The following BMP7 variants were observed in gnomAD, a reference collection of about 807,000 sequenced individuals.
BMP7 encodes the protein osteogenic protein 1.
A neutral mutation model predicts 41.2 loss-of-function variants in BMP7; 12 were observed. The observed-to-expected ratio is 0.29, with a 90% CI of 0.19 to 0.47. The LOEUF (loss-of-function observed/expected upper bound fraction) is 0.47. Ranked by LOEUF, BMP7 falls within the 20% of genes least tolerant of loss-of-function variation. The pLI, the probability that BMP7 is intolerant of heterozygous loss-of-function variation, is 0.99. For missense variants in BMP7, 467 were observed against 606.0 expected (o/e 0.77, Z 2.41); for synonymous variants, 248 against 250.0 (o/e 0.99, Z 0.07).
In BMP7 at chr20:57,266,436, G is replaced by T; in HGVS notation, c.-314C>A. 1 of 194,968 alleles carries T rather than the reference G, an allele frequency of 5.1e-6. No homozygotes were observed. Among genetic ancestry groups the T allele is most frequent in the Non-Finnish European group, 1.0e-5 (1 of 97,046 alleles). 12.1% of individuals were successfully genotyped at this position (194,968 alleles called of 1,614,324 possible). A position where few individuals can be genotyped will look rare whatever the true frequency, so the allele number is the denominator to read the frequency against. On this transcript the variant is annotated 5_prime_UTR_variant, in exon 1 of 7. Coordinates refer to ENST00000395863, the MANE Select transcript of BMP7 (RefSeq NM_001719.3). ...GGAGGAGCAGCCAGCAAGCCTAGGA[G>T]TCCAGAGAGCCAACGCCGGGGAGGC...
intron 3 of BMP7, among the ~76,000 whole-genome samples, chr20:57,186,615 G>C (rs535778416): frequency 6.6e-6 from 1 of 152,304 alleles, no homozygotes; most frequent in East Asian, 1.9e-4. Flanking sequence ...GGATGACGGG[G>C]AGTTGGGAGG....
chr20:57,172,226 G>A (rs958091958), intron 6 of BMP7, among the ~76,000 whole-genome samples: 4 of 152,198 alleles, frequency 2.6e-5, no homozygotes, highest in African/African-American at 9.7e-5. Flanking sequence ...CAGGGAACAG[G>A]TTGGGGAGGA....
intron 1 of BMP7, among the ~76,000 whole-genome samples, chr20:57,240,889 T>C (rs1429346885): frequency 6.6e-6 from 1 of 152,210 alleles, no homozygotes; most frequent in African/African-American, 2.4e-5. Flanking sequence ...GGAGATACAA[T>C]TCAAGTTGAG....
chr20:57,227,056 A>T (rs1364496490), intron 2 of BMP7, among the ~76,000 whole-genome samples: 1 of 151,986 alleles, frequency 6.6e-6, no homozygotes, highest in African/African-American at 2.4e-5. Flanking sequence ...CAAACTCCTG[A>T]CCTCAAATGA....
At chr20:57,190,152 T>G (rs1208711154) in intron 3 of BMP7, among the ~76,000 whole-genome samples, 2 of 147,996 alleles carry the variant, frequency 1.4e-5, no homozygotes, top group Admixed American at 6.7e-5. Flanking sequence ...CCGGAGGGGG[T>G]GAAGCTGGAG....
intron 4 of BMP7, among the ~76,000 whole-genome samples, chr20:57,179,888 G>C (rs1984035103): frequency 6.6e-6 from 1 of 152,224 alleles, no homozygotes; most frequent in Admixed American, 6.5e-5. Flanking sequence ...AACAGTGAGA[G>C]CCCCGTCCTG....
chr20:57,195,119 C>T lies in BMP7; in HGVS notation c.760+7356G>A, dbSNP rs147395376. Among the ~76,000 whole-genome samples, 666 of 152,308 alleles carry T rather than the reference C, an allele frequency of 4.4e-3. 5 individuals carry two copies. Among genetic ancestry groups the T allele is most frequent in the Non-Finnish European group, 7.6e-3 (514 of 68,028 alleles). On this transcript the variant is annotated intron_variant, in intron 3 of 6. Coordinates refer to ENST00000395863, the MANE Select transcript of BMP7 (RefSeq NM_001719.3). ...AAACCCCAGACGACTTGAGCAAAAT[C>T]GGCATGGCCAGCCCGAGGAACCCAG...
chr20:57,227,581 C>CG (rs1021736732), intron 2 of BMP7, among the ~76,000 whole-genome samples: 17 of 152,140 alleles, frequency 1.1e-4, no homozygotes, highest in African/African-American at 4.1e-4. Context: ...TGACAGCCTG[C>CG]GGGGTCCAGC....
chr20:57,251,053 CAG>C (rs1387163893), intron 1 of BMP7, among the ~76,000 whole-genome samples: 2 of 152,226 alleles, frequency 1.3e-5, no homozygotes, highest in African/African-American at 2.4e-5. Flanking sequence ...CGGTGGGTAA[CAG>C]AGCAGCTGAG....
At chr20:57,193,681 G>C (rs950348312) in intron 3 of BMP7, among the ~76,000 whole-genome samples, 6 of 152,156 alleles carry the variant, frequency 3.9e-5, no homozygotes, top group African/African-American at 1.2e-4. Flanking sequence ...CCATCCATCT[G>C]GTGGCTTCCA....
rs1985257621 is a variant in BMP7, at chr20:57,224,289, A to G, written c.611+3940T>C. ...CAGCCAAAATCACTGAGATGAACCC[A>G]GGGACATTTTCATCCAGCTGCCAAC... On this transcript the variant is annotated intron_variant, in intron 2 of 6. Coordinates refer to ENST00000395863, the MANE Select transcript of BMP7 (RefSeq NM_001719.3). The surrounding 1 kb of genome is among the most constrained non-coding windows in gnomAD (Gnocchi z 4.8). Among the ~76,000 whole-genome samples, 1 of 152,202 alleles carries G rather than the reference A, an allele frequency of 6.6e-6. No individual in the cohort carries two copies. The highest frequency in any genetic ancestry group is 6.5e-5 in the Admixed American group (1 of 15,290).
chr20:57,190,811 A>G (rs1389777765), intron 3 of BMP7, among the ~76,000 whole-genome samples: 2 of 152,168 alleles, frequency 1.3e-5, no homozygotes, highest in Non-Finnish European at 2.9e-5. Context: ...CTGCTCCTGC[A>G]CAGAAGCCAG....
intron 1 of BMP7, among the ~76,000 whole-genome samples, chr20:57,249,238 G>A (rs575914848): frequency 1.3e-5 from 2 of 152,096 alleles, no homozygotes; most frequent in African/African-American, 4.8e-5. Context: ...AACACCCAGA[G>A]GGTCCTTAAG....
intron 2 of BMP7, among the ~76,000 whole-genome samples, chr20:57,220,916 ACTCACTCATCCAGCAGG>A (rs1232285704): frequency 6.6e-6 from 1 of 152,138 alleles, no homozygotes; most frequent in African/African-American, 2.4e-5. Flanking sequence ...TGTGGCCGGC[ACTCACTCATCCAGCAGG>A]CATCTGTTGT....
At chr20:57,187,736 G>T (rs1356431179) in intron 3 of BMP7, among the ~76,000 whole-genome samples, 1 of 152,162 alleles carries the variant, frequency 6.6e-6, no homozygotes, top group Non-Finnish European at 1.5e-5. Context: ...GATCAAGCCA[G>T]CCCTGAAGCC....
chr20:57,242,351 C>G (rs1464740641), intron 1 of BMP7, among the ~76,000 whole-genome samples: 1 of 152,192 alleles, frequency 6.6e-6, no homozygotes, highest in Non-Finnish European at 1.5e-5. Context: ...TCTGGACCGA[C>G]AGACAGGCAG....
At chr20:57,178,620 C>G (rs1983992431) in intron 4 of BMP7, among the ~76,000 whole-genome samples, 1 of 152,086 alleles carries the variant, frequency 6.6e-6, no homozygotes, top group Non-Finnish European at 1.5e-5. Context: ...AAGCAGAAAC[C>G]TAAGATGGCC....
At position 57,170,724 on chromosome 20, in the gene BMP7, TC is replaced by T; in HGVS notation, c.*234del. 3.8e-6 allele frequency: 2 copies of T among 531,712 alleles called. No homozygotes were observed. Among genetic ancestry groups the T allele is most frequent in the East Asian group, 7.3e-5 (2 of 27,274 alleles). The allele number at this position is 531,712 out of a possible 1,614,324, so 32.9% of individuals were successfully genotyped here. On this transcript the variant is annotated 3_prime_UTR_variant, in exon 7 of 7. Coordinates refer to ENST00000395863, the MANE Select transcript of BMP7 (RefSeq NM_001719.3). ...TTTTTCTTTATGCGTTGTTTTTTTT[TC>T]CTGCTAGGTTTTGCCTGCACAGCTT... is the stretch of plus-strand genomic sequence containing the variant.
At position 57,251,897 on chromosome 20, in the gene BMP7, G is replaced by A. The variant is rs550847624; in HGVS notation, c.418+13808C>T. Among the ~76,000 whole-genome samples, 13 of 152,276 alleles carry A rather than the reference G, an allele frequency of 8.5e-5. No homozygotes were observed. The South Asian group carries it at 1.0e-3, about 12-fold the overall frequency. ...TGCAGTGAGCCGGGATCGCGCCACC[G>A]CACTCCAGCCTGGGTGACAGAGCAA... On this transcript the variant is annotated intron_variant, in intron 1 of 6. Transcript: ENST00000395863.
Sources: allele counts gnomAD v4.1 joint callset (sites outside exome capture counted in the v4.1 genomes callset), GRCh38; gene constraint gnomAD v4.1.1; non-coding constraint Gnocchi (gnomAD v3.1); transcripts MANE v1.5; gene names NCBI Gene and HGNC (gene_info 2026-07-23, HGNC 2026-07-21).